Variants in NRG3 observed in about 807,000 individuals in gnomAD.
NRG3 encodes neuregulin 3, also known as pro-neuregulin-3, membrane-bound isoform.
NRG3 carries 31 observed loss-of-function variants against 66.9 expected under a neutral mutation model. The ratio of observed to expected loss-of-function variants is 0.46; its 90% CI spans 0.35 to 0.63. NRG3 has a LOEUF of 0.63. Ranked by LOEUF, NRG3 falls within the 20% of genes least tolerant of loss-of-function variation. The pLI, the probability that NRG3 is intolerant of heterozygous loss-of-function variation, is 0.00. For missense variants in NRG3, 910 were observed against 878.9 expected (o/e 1.04, Z -0.45); for synonymous variants, 393 against 359.4 (o/e 1.09, Z -1.06).
intron 3 of NRG3, among the ~76,000 whole-genome samples, chr10:82,792,195 T>A (rs1030501574): frequency 1.3e-5 from 2 of 152,218 alleles, no homozygotes; most frequent in Non-Finnish European, 2.9e-5. Context: ...TCATTGATTT[T>A]ATGGAGAGAC....
At chr10:82,543,700 G>A (rs576990421) in intron 2 of NRG3, among the ~76,000 whole-genome samples, 1 of 152,106 alleles carries the variant, frequency 6.6e-6, no homozygotes, top group Non-Finnish European at 1.5e-5. Flanking sequence ...GTAAGTTTTT[G>A]TATATGCATT....
At chr10:82,761,323 T>C (rs2059295951) in intron 3 of NRG3, among the ~76,000 whole-genome samples, 1 of 151,982 alleles carries the variant, frequency 6.6e-6, no homozygotes, top group Non-Finnish European at 1.5e-5. Flanking sequence ...AGTAATATCT[T>C]CAAGAAAATA....
intron 1 of NRG3, among the ~76,000 whole-genome samples, chr10:82,217,206 C>T (rs2075731821): frequency 6.6e-6 from 1 of 152,152 alleles, no homozygotes; most frequent in African/African-American, 2.4e-5. Flanking sequence ...TTGAGGGTGC[C>T]TGTGGGGCTG....
chr10:82,809,123 A>G (rs1591590734), intron 3 of NRG3, among the ~76,000 whole-genome samples: 1 of 152,156 alleles, frequency 6.6e-6, no homozygotes, highest in South Asian at 2.1e-4. Flanking sequence ...AAAGAAGGGA[A>G]CAGCCATGAG....
chr10:82,824,348 G>C lies in NRG3; in HGVS notation c.1028-41063G>C, dbSNP rs192657188. On this transcript the variant is annotated intron_variant, in intron 3 of 8. Coordinates refer to ENST00000372141, the MANE Select transcript of NRG3 (RefSeq NM_001010848.4). ...TGAATATTCATGTGCAAGTTTTTGA[G>C]TAGACATGTGTTTTTAATTCTCTTC... Among the ~76,000 whole-genome samples, 40 of 152,222 alleles carry C rather than the reference G, an allele frequency of 2.6e-4. No homozygotes were observed. The East Asian group carries it at 7.3e-3, about 28-fold the overall frequency.
intron 2 of NRG3, among the ~76,000 whole-genome samples, chr10:82,527,388 G>A (rs1437201429): frequency 6.6e-6 from 1 of 152,088 alleles, no homozygotes; most frequent in African/African-American, 2.4e-5. Flanking sequence ...TAAAAAATGT[G>A]CATTACAATG....
chr10:82,850,571 T>C (rs182132276), intron 3 of NRG3, among the ~76,000 whole-genome samples: 4 of 152,300 alleles, frequency 2.6e-5, no homozygotes, highest in East Asian at 3.9e-4. Context: ...CAAATGCTGG[T>C]AGCAAGAATG....
intron 1 of NRG3, among the ~76,000 whole-genome samples, chr10:81,899,887 A>G (rs1047866850): frequency 1.3e-5 from 2 of 152,216 alleles, no homozygotes; most frequent in Non-Finnish European, 2.9e-5. Flanking sequence ...CTGGTTCCCA[A>G]AAACAAATAG....
chr10:82,778,013 G>A (rs1424504228), intron 3 of NRG3, among the ~76,000 whole-genome samples: 1 of 151,960 alleles, frequency 6.6e-6, no homozygotes, highest in African/African-American at 2.4e-5. Context: ...AGGTAACCCA[G>A]CTCAGCCAAG....
intron 1 of NRG3, among the ~76,000 whole-genome samples, chr10:81,941,350 A>C (rs1170943674): frequency 1.3e-5 from 2 of 152,026 alleles, no homozygotes; most frequent in Non-Finnish European, 2.9e-5. Flanking sequence ...AACAAATTTC[A>C]GTAAGATAAT....
chr10:82,935,750 T>C (rs1463768175), intron 4 of NRG3, among the ~76,000 whole-genome samples: 3 of 152,026 alleles, frequency 2.0e-5, no homozygotes, highest in Admixed American at 6.6e-5. Context: ...CAACCTCCCA[T>C]GTAGCTGGGA....
chr10:81,893,626 C>A (rs1843238904), intron 1 of NRG3, among the ~76,000 whole-genome samples: 1 of 152,142 alleles, frequency 6.6e-6, no homozygotes, highest in Non-Finnish European at 1.5e-5. Flanking sequence ...AACAAATTAA[C>A]AAAATTTTTG....
chr10:81,890,298 G>A (rs1341581591), intron 1 of NRG3, among the ~76,000 whole-genome samples: 1 of 152,102 alleles, frequency 6.6e-6, no homozygotes, highest in African/African-American at 2.4e-5. Context: ...GAGTGGGGAA[G>A]GGAGAAACTT....
At chr10:82,596,990 A>G (rs1315003607) in intron 2 of NRG3, among the ~76,000 whole-genome samples, 1 of 152,080 alleles carries the variant, frequency 6.6e-6, no homozygotes, top group Non-Finnish European at 1.5e-5. Flanking sequence ...TAACACCTGC[A>G]CTGCATCATC....
intron 2 of NRG3, among the ~76,000 whole-genome samples, chr10:82,408,081 G>GAGAGAGAGAGAGAGAAAGAA (rs1564888020): frequency 1.5e-5 from 1 of 67,030 alleles, no homozygotes; most frequent in African/African-American, 6.8e-5. Context: ...GAGAGAGAGA[G>GAGAGAGAGAGAGAGAAAGAA]AGACAGAAAG....
chr10:82,568,633 C>T (rs2045557391), intron 2 of NRG3, among the ~76,000 whole-genome samples: 1 of 151,646 alleles, frequency 6.6e-6, no homozygotes, highest in East Asian at 1.9e-4. Context: ...TATCGAAGAG[C>T]CAGGGTAATG....
At chr10:81,889,424 T>A (rs1842854777) in intron 1 of NRG3, 1 of 152,206 alleles carries the variant, frequency 6.6e-6, no homozygotes, top group South Asian at 2.1e-4. Flanking sequence ...AGAGTGCCTG[T>A]CATGGACTGG....
chr10:82,464,711 C>T (rs1432072623), intron 2 of NRG3, among the ~76,000 whole-genome samples: 1 of 152,092 alleles, frequency 6.6e-6, no homozygotes, highest in African/African-American at 2.4e-5. Flanking sequence ...ATTCAATGCA[C>T]AATGAGAGAG....
At chr10:82,364,248 AC>A (rs549306585) in intron 2 of NRG3, among the ~76,000 whole-genome samples, 75 of 152,292 alleles carry the variant, frequency 4.9e-4, no homozygotes, top group African/African-American at 1.7e-3. Flanking sequence ...ATTAAGCACT[AC>A]TAAGTCTATT....
Sources: gnomAD v4.1 joint callset for allele counts (sites outside exome capture counted in the v4.1 genomes callset) on GRCh38, gnomAD v4.1.1 for gene constraint, MANE v1.5 for transcripts, NCBI Gene and HGNC (gene_info 2026-07-23, HGNC 2026-07-21) for gene names.